The following COL18A1 variants were observed in gnomAD, a reference collection of about 807,000 sequenced individuals.
COL18A1 encodes the protein collagen alpha-1(XVIII) chain.
A neutral mutation model predicts 168.0 loss-of-function variants in COL18A1; 133 were observed. That is an observed-to-expected ratio of 0.79 (90% CI 0.69 to 0.91). COL18A1 has a LOEUF of 0.91. Among genes scored for constraint, COL18A1 ranks in the 40% least tolerant of loss-of-function variants. COL18A1 has a pLI of 0.00. For missense variants in COL18A1, 2,126 were observed against 1,925.4 expected (o/e 1.10, Z -1.95); for synonymous variants, 949 against 809.0 (o/e 1.17, Z -2.94).
Position 45,505,893 on chromosome 21 carries a change from A to G in COL18A1, c.3143A>G (p.Glu1048Gly). 1.9e-6 allele frequency: 3 copies of G among 1,612,844 alleles called. No homozygotes were observed. Among genetic ancestry groups the G allele is most frequent in the Non-Finnish European group, 2.5e-6 (3 of 1,179,920 alleles). ...AMLGQVHEVPEGWLIFVAEQE... is the reference protein window; with the variant it reads ...AMLGQVHEVPGGWLIFVAEQE... ...CTGGGCCAGGTGCACGAGGTTCCCG[A>G]GGGCTGGCTCATCTTCGTGGCCGAG... The change falls in exon 37 of 42, where the codon GAG becomes GGG. Residue 1048 changes from glutamate to glycine, a missense_variant. Physicochemically the swap from Glu to Gly is moderately conservative, Grantham distance 98. Coordinates refer to ENST00000651438, the MANE Select transcript of COL18A1 (RefSeq NM_001379500.1).
Position 45,510,220 on chromosome 21 carries a change from C to T in COL18A1, c.3652C>T (p.Arg1218Cys), listed in dbSNP as rs749872988. The T allele has an allele frequency of 8.7e-6, 14 of 1,606,006 alleles. No individual in the cohort carries two copies. Among genetic ancestry groups the T allele is most frequent in the South Asian group, 5.6e-5 (5 of 89,920 alleles). ...SRLQDLYSIV[R>C]RADRAAVPIV... Reference sequence around the variant, plus strand: ...CCTGCAGGACCTGTACAGCATCGTGCGCCGTGCCGACCGCGCAGCCGTGCC... The same window carrying T: ...CCTGCAGGACCTGTACAGCATCGTGTGCCGTGCCGACCGCGCAGCCGTGCC... The change falls in exon 40 of 42, where the codon CGC (arginine) becomes TGC (cysteine). Residue 1218 changes from arginine (R) to cysteine (C), a missense_variant. Arg to Cys is a radical substitution (Grantham distance 180). Transcript: ENST00000651438.
chr21:45,406,914 C>G (rs1055938025), intron 2 of COL18A1, among the ~76,000 whole-genome samples: 3 of 152,226 alleles, frequency 2.0e-5, no homozygotes, highest in African/African-American at 4.8e-5. Context: ...GGGAAAGTTA[C>G]GGTTGGCCAA....
intron 17 of COL18A1, 84 bp downstream of exon 17, chr21:45,487,593 G>A: frequency 6.4e-7 from 1 of 1,562,414 alleles, no homozygotes; most frequent in Non-Finnish European, 8.7e-7. Flanking sequence ...AGAGCCACCG[G>A]CCTTGCATGG....
chr21:45,453,162 CATGT>C (rs562852873), intron 2 of COL18A1, among the ~76,000 whole-genome samples: 40 of 150,490 alleles, frequency 2.7e-4, no homozygotes, highest in South Asian at 8.4e-4. Flanking sequence ...CATGTGTGAG[CATGT>C]ATGTGTGTGT....
At chr21:45,474,362 GTGTC>G (rs1170537232) in intron 4 of COL18A1, among the ~76,000 whole-genome samples, 4 of 148,954 alleles carry the variant, frequency 2.7e-5, no homozygotes, top group African/African-American at 7.6e-5. Context: ...TCTGTGTGGT[GTGTC>G]TGTCTTGTGT....
intron 2 of COL18A1, among the ~76,000 whole-genome samples, chr21:45,417,099 C>T (rs530594605): frequency 4.7e-4 from 71 of 152,044 alleles, no homozygotes; most frequent in Non-Finnish European, 7.8e-4. Flanking sequence ...TTGGTTGTGG[C>T]GGGTTGCTGT....
intron 2 of COL18A1, chr21:45,409,858 G>A (rs914225): frequency 1.3e-5 from 2 of 152,286 alleles, no homozygotes; most frequent in African/African-American, 2.4e-5. Context: ...CCCGTGTCAC[G>A]TGAGGAGACA....
chr21:45,432,643 G>A (rs951455690), intron 2 of COL18A1, among the ~76,000 whole-genome samples: 6 of 152,356 alleles, frequency 3.9e-5, no homozygotes, highest in Admixed American at 1.3e-4. Context: ...GGGTCAGAGC[G>A]CGGCAGGACA....
In COL18A1 at chr21:45,505,281, A is replaced by C. The variant is rs770631950; in HGVS notation, c.3013+3A>C. On this transcript the variant is annotated splice_donor_region_variant and intron_variant, in intron 35 of 41. Coordinates refer to ENST00000651438, the MANE Select transcript of COL18A1 (RefSeq NM_001379500.1). ...ATTTCCTGGCCCTCACAGGCAGAGT[A>C]AGTCAGTGGGGAGTGGGCCCCGGGC... The C allele has an allele frequency of 1.2e-6, 2 of 1,607,586 alleles. No homozygotes were observed. The highest frequency in any genetic ancestry group is 1.7e-6 in the Non-Finnish European group (2 of 1,175,888).
At chr21:45,437,563 G>GAC (rs1239915812) in intron 2 of COL18A1, among the ~76,000 whole-genome samples, 3 of 1,916 alleles carry the variant, frequency 1.6e-3, no homozygotes, top group African/African-American at 8.6e-3. Flanking sequence ...CACACACACA[G>GAC]ACACAGGCAC....
At chr21:45,472,719 C>T (rs915022378) in intron 3 of COL18A1, among the ~76,000 whole-genome samples, 1 of 152,174 alleles carries the variant, frequency 6.6e-6, no homozygotes, top group Non-Finnish European at 1.5e-5. Flanking sequence ...CGCTGAGAGC[C>T]GCTGGTGCGC....
At chr21:45,501,572 C>G (rs183324247) in intron 32 of COL18A1, among the ~76,000 whole-genome samples, 1 of 152,142 alleles carries the variant, frequency 6.6e-6, no homozygotes, top group Non-Finnish European at 1.5e-5. Context: ...AGCTTAGGTG[C>G]GTCCAGGGCA....
At chr21:45,491,379 C>A (rs187963648) in intron 22 of COL18A1, 65 bp downstream of exon 22, 3 of 762,416 alleles carry the variant, frequency 3.9e-6, no homozygotes, top group South Asian at 1.5e-5. Context: ...AGAGATCCCT[C>A]CCCGAGCCCC....
chr21:45,448,794 C>T (rs1465472652), intron 2 of COL18A1, among the ~76,000 whole-genome samples: 2 of 152,250 alleles, frequency 1.3e-5, no homozygotes, highest in Non-Finnish European at 2.9e-5. Flanking sequence ...AGTCCCAGAG[C>T]CGTCAGGGAC....
In COL18A1 at chr21:45,457,101, G is replaced by A. The variant is rs2034858257; in HGVS notation, c.107-11141G>A. 6.6e-6 allele frequency among the ~76,000 whole-genome samples: 1 copy of A among 152,144 alleles called. No individual in the cohort carries two copies. The highest frequency in any genetic ancestry group is 2.4e-5 in the African/African-American group (1 of 41,434). Reference sequence around the variant, plus strand: ...GAGGGCTGGATGAACCGCAGCCGATGTGTCCAGGTGCCACCTGGGCCTGGA... The same window carrying A: ...GAGGGCTGGATGAACCGCAGCCGATATGTCCAGGTGCCACCTGGGCCTGGA... On this transcript the variant is annotated intron_variant, in intron 2 of 41. Coordinates refer to ENST00000651438, the MANE Select transcript of COL18A1 (RefSeq NM_001379500.1). The surrounding 1 kb of genome is among the most constrained non-coding windows in gnomAD (Gnocchi z 4.6).
Position 45,474,032 on chromosome 21 carries a change from C to T in COL18A1, c.738+51C>T, listed in dbSNP as rs375701414. The T allele has an allele frequency of 4.5e-5, 65 of 1,440,782 alleles. No individual in the cohort carries two copies. The African/African-American group carries it at 4.5e-4, about 10-fold the overall frequency. 89.2% of individuals were successfully genotyped at this position (1,440,782 alleles called of 1,614,324 possible). ...GGGTCTCCCCTCAATCCCTGGCACG[C>T]GGAGTTCAGGGCCAAGGTCTATGAC... On this transcript the variant is annotated intron_variant, in intron 4 of 41. Coordinates refer to ENST00000651438, the MANE Select transcript of COL18A1 (RefSeq NM_001379500.1).
chr21:45,494,526 T>G lies in COL18A1; in HGVS notation c.2353-19T>G, dbSNP rs530397268. ...GCACAAGCTGCCACCTAACCCTGTC[T>G]TCTTGTTTTTTTGCTCAGGGAGAGC... On this transcript the variant is annotated intron_variant, in intron 26 of 41. Coordinates refer to ENST00000651438, the MANE Select transcript of COL18A1 (RefSeq NM_001379500.1). 3 of 1,612,674 alleles carry G rather than the reference T, an allele frequency of 1.9e-6. No homozygotes were observed. The highest frequency in any genetic ancestry group is 2.7e-5 in the African/African-American group (2 of 75,056).
chr21:45,493,792 C>T lies in COL18A1; in HGVS notation c.2352+217C>T, dbSNP rs941431769. 2.2e-5 allele frequency: 13 copies of T among 581,800 alleles called. No individual in the cohort carries two copies. The Admixed American group carries it at 3.6e-4, about 16-fold the overall frequency. The allele number at this position is 581,800 out of a possible 1,614,324, so 36.0% of individuals were successfully genotyped here. The stretch of plus-strand genomic sequence containing the variant: ...TCCTCTCCCTGCCCCTCGTCCTCTC[C>T]CTACCCCTGAGCCCACCCTGCTGAG... On this transcript the variant is annotated intron_variant, in intron 26 of 41. Coordinates refer to ENST00000651438, the MANE Select transcript of COL18A1 (RefSeq NM_001379500.1).
In COL18A1 at chr21:45,437,652, GCA is replaced by G. The variant is rs147554147; in HGVS notation, c.107-30578_107-30577del. Among the ~76,000 whole-genome samples the G allele has an allele frequency of 2.2e-3, 71 of 32,542 alleles. 5 individuals carry two copies. The highest frequency in any genetic ancestry group is 3.3e-3 in the East Asian group (2 of 598). 21.3% of individuals were successfully genotyped at this position (32,542 alleles called of 152,430 possible). On this transcript the variant is annotated intron_variant, in intron 2 of 41. Transcript: ENST00000651438. ...CACACACTCACACAGGCACTCTCCTGCACACACACACACTCAGACACACAGGC... is the reference window on the plus strand; with the variant it reads ...CACACACTCACACAGGCACTCTCCTGCACACACACACTCAGACACACAGGC...
Sources: gnomAD v4.1 joint callset for allele counts (sites outside exome capture counted in the v4.1 genomes callset) on GRCh38, gnomAD v4.1.1 for gene constraint, Gnocchi (gnomAD v3.1) non-coding constraint, MANE v1.5 for transcripts, NCBI Gene and HGNC (gene_info 2026-07-23, HGNC 2026-07-21) for gene names.